The following AKT3 variants were observed in gnomAD, a reference collection of about 807,000 sequenced individuals.
The protein encoded by AKT3 is AKT serine/threonine kinase 3, also known as RAC-gamma serine/threonine-protein kinase.
In AKT3, 15 loss-of-function variants were observed where a neutral mutation model predicts 65.3. That is an observed-to-expected ratio of 0.23 (90% CI 0.15 to 0.35). AKT3 has a LOEUF of 0.35. AKT3 is among the 10% of genes least tolerant of loss of function. The pLI, the probability that AKT3 is intolerant of heterozygous loss-of-function variation, is 1.00. For synonymous variants in AKT3, 206 were observed against 183.8 expected, an observed-to-expected ratio of 1.12 and a Z score of -0.98; for missense variants, 243 against 576.5, an observed-to-expected ratio of 0.42 and a Z score of 5.92.
At chr1:243,585,471 A>C (rs1264233880) in intron 8 of AKT3, among the ~76,000 whole-genome samples, 1 of 152,118 alleles carries the variant, frequency 6.6e-6, no homozygotes, top group African/African-American at 2.4e-5. Context: ...AGAGGTATCA[A>C]ATTACCTGCC....
rs767170769 is a variant in AKT3, at chr1:243,501,414, G to GTGT, written c.*3832_*3834dup. ...CCTTCAGATTCTGGGTCCAAACCGT[G>GTGT]TGTTGTATAGATGATTCGGGTCTGA... On this transcript the variant is annotated 3_prime_UTR_variant, in exon 14 of 14. Coordinates refer to ENST00000673466, the MANE Select transcript of AKT3 (RefSeq NM_005465.7). The GTGT allele has an allele frequency of 3.9e-5, 9 of 233,244 alleles. No individual in the cohort carries two copies. Among genetic ancestry groups the GTGT allele is most frequent in the South Asian group, 1.8e-4 (1 of 5,534 alleles). The allele number at this position is 233,244 out of a possible 1,614,324, so 14.4% of individuals were successfully genotyped here. A position where few individuals can be genotyped will look rare whatever the true frequency, so the allele number is the denominator to read the frequency against.
chr1:243,798,207 CTTTT>C (rs59975727), intron 2 of AKT3, among the ~76,000 whole-genome samples: 2,521 of 97,252 alleles, frequency 0.026, 100 homozygotes, highest in African/African-American at 0.089. Context: ...GTGCCAGGCC[CTTTT>C]TTTTTTTTTT....
At chr1:243,548,680 A>G (rs10754805) in intron 11 of AKT3, among the ~76,000 whole-genome samples, 145,072 of 152,282 alleles carry the variant, frequency 0.95, 69,507 homozygotes, top group East Asian at 1. Flanking sequence ...CAGCTACTAC[A>G]AATTCCTTTA....
At chr1:243,695,042 T>C (rs188581904) in intron 3 of AKT3, among the ~76,000 whole-genome samples, 2 of 152,002 alleles carry the variant, frequency 1.3e-5, no homozygotes, top group African/African-American at 4.8e-5. Context: ...ATCATCATTG[T>C]CATCTTTCAG....
At chr1:243,578,293 A>G (rs1411483331) in intron 8 of AKT3, among the ~76,000 whole-genome samples, 2 of 152,230 alleles carry the variant, frequency 1.3e-5, no homozygotes, top group African/African-American at 4.8e-5. Flanking sequence ...CCAAGTGCCC[A>G]TCAATGATAG....
chr1:243,718,917 A>G (rs2148106128), intron 2 of AKT3, among the ~76,000 whole-genome samples: 1 of 152,308 alleles, frequency 6.6e-6, no homozygotes, highest in East Asian at 1.9e-4. Flanking sequence ...AACAAACTGG[A>G]TTTCATATAT....
intron 2 of AKT3, among the ~76,000 whole-genome samples, chr1:243,825,794 A>G (rs1263118678): frequency 6.6e-6 from 1 of 152,234 alleles, no homozygotes; most frequent in East Asian, 1.9e-4. Context: ...AACGTACCCC[A>G]TAATTCATTA....
At chr1:243,596,703 C>T in intron 8 of AKT3, among the ~76,000 whole-genome samples, 1 of 152,058 alleles carries the variant, frequency 6.6e-6, no homozygotes, top group Middle Eastern at 3.2e-3. Flanking sequence ...ACCATAAATC[C>T]AACAATCATA....
intron 8 of AKT3, among the ~76,000 whole-genome samples, chr1:243,595,955 CTA>C (rs1023645029): frequency 2.6e-4 from 40 of 152,278 alleles, no homozygotes; most frequent in Admixed American, 4.6e-4. Flanking sequence ...ACTGCATGTG[CTA>C]TGTTTCTACA....
At chr1:243,819,876 C>T (rs1210730193) in intron 2 of AKT3, among the ~76,000 whole-genome samples, 2 of 152,272 alleles carry the variant, frequency 1.3e-5, no homozygotes, top group African/African-American at 4.8e-5. Flanking sequence ...GGGTCTGGAA[C>T]GGGCCCCCAG....
At chr1:243,662,811 A>G (rs1050130418) in intron 4 of AKT3, among the ~76,000 whole-genome samples, 2 of 152,218 alleles carry the variant, frequency 1.3e-5, no homozygotes, top group Non-Finnish European at 2.9e-5. Context: ...TACCAATGGC[A>G]AATATGAGTA....
At chr1:243,659,374 T>C (rs776169107) in intron 4 of AKT3, among the ~76,000 whole-genome samples, 6 of 152,186 alleles carry the variant, frequency 3.9e-5, no homozygotes, top group Admixed American at 1.3e-4. Context: ...AACAATACTC[T>C]ATTATACCCT....
At chr1:243,757,749 GATTT>G (rs1350822159) in intron 2 of AKT3, among the ~76,000 whole-genome samples, 2 of 151,088 alleles carry the variant, frequency 1.3e-5, no homozygotes, top group African/African-American at 4.9e-5. Flanking sequence ...TTTTGATACA[GATTT>G]ATCTAATTAA....
chr1:243,785,613 A>G (rs1414403403), intron 2 of AKT3, among the ~76,000 whole-genome samples: 1 of 152,210 alleles, frequency 6.6e-6, no homozygotes, highest in African/African-American at 2.4e-5. Context: ...ACTTGCAAAA[A>G]GTCAATCTTG....
intron 3 of AKT3, among the ~76,000 whole-genome samples, chr1:243,673,706 C>T (rs903346860): frequency 6.6e-6 from 1 of 151,378 alleles, no homozygotes; most frequent in African/African-American, 2.4e-5. Context: ...CTCCGCCTCC[C>T]GGGTTTCAAG....
At chr1:243,562,717 G>A (rs1673883935) in intron 10 of AKT3, among the ~76,000 whole-genome samples, 1 of 152,142 alleles carries the variant, frequency 6.6e-6, no homozygotes, top group Non-Finnish European at 1.5e-5. Context: ...TAAGGTACCA[G>A]TGGACAGGCA....
chr1:243,509,152 GTTAT>G (rs1286928642), intron 13 of AKT3, among the ~76,000 whole-genome samples: 1 of 152,150 alleles, frequency 6.6e-6, no homozygotes, highest in African/African-American at 2.4e-5. Flanking sequence ...AATGACACAT[GTTAT>G]TTAAGAACAG....
At chr1:243,550,958 CAAAAAA>C (rs60047036) in intron 11 of AKT3, among the ~76,000 whole-genome samples, 7 of 17,534 alleles carry the variant, frequency 4.0e-4, no homozygotes, top group African/African-American at 1.2e-3. Context: ...GACTCCCTCT[CAAAAAA>C]AAAAAAAAAA....
At chr1:243,800,548 T>C (rs2148364854) in intron 2 of AKT3, among the ~76,000 whole-genome samples, 1 of 152,124 alleles carries the variant, frequency 6.6e-6, no homozygotes, top group Non-Finnish European at 1.5e-5. Context: ...TGAAACCCCG[T>C]CTCTACTAAA....
Sources: allele counts gnomAD v4.1 joint callset (sites outside exome capture counted in the v4.1 genomes callset), GRCh38; gene constraint gnomAD v4.1.1; transcripts MANE v1.5; gene names NCBI Gene and HGNC (gene_info 2026-07-23, HGNC 2026-07-21).